Variants in SHROOM3 observed in about 807,000 individuals in gnomAD.
SHROOM3 encodes the protein shroom family member 3.
In SHROOM3, 47 loss-of-function variants were observed where a neutral mutation model predicts 138.6. The observed-to-expected ratio is 0.34, with a 90% CI of 0.27 to 0.43. The LOEUF (loss-of-function observed/expected upper bound fraction) is 0.43, where lower values mean the gene tolerates loss of function less well. Ranked by LOEUF, SHROOM3 falls within the 20% of genes least tolerant of loss-of-function variation. The pLI, the probability that SHROOM3 is intolerant of heterozygous loss-of-function variation, is 1.00. For missense variants in SHROOM3, 2,491 were observed against 2,596.5 expected (o/e 0.96, Z 0.88); for synonymous variants, 1,062 against 1,063.3 (o/e 1.00, Z 0.02).
At chr4:76,565,128 T>C in intron 2 of SHROOM3, among the ~76,000 whole-genome samples, 1 of 127,506 alleles carries the variant, frequency 7.8e-6, no homozygotes, top group Admixed American at 9.5e-5. Flanking sequence ...ACCATTGCAC[T>C]CCAGCCTGGG....
At chr4:76,509,258 CT>C (rs112167369) in intron 1 of SHROOM3, 45,025 of 151,872 alleles carry the variant, frequency 0.3, 7,520 homozygotes, top group African/African-American at 0.44. Context: ...ATATCCCCCC[CT>C]CCGAATCCAG....
chr4:76,720,964 C>CT (rs2110123280), intron 3 of SHROOM3, among the ~76,000 whole-genome samples: 1 of 151,894 alleles, frequency 6.6e-6, no homozygotes, highest in Admixed American at 6.5e-5. Flanking sequence ...AGTTTATTTC[C>CT]TTTTTAAAAT....
At chr4:76,586,144 C>T in intron 2 of SHROOM3, 1 of 622,716 alleles carries the variant, frequency 1.6e-6, no homozygotes, top group Non-Finnish European at 2.0e-6. Flanking sequence ...CCCCTTACAT[C>T]AGCGGGCCAG....
At chr4:76,674,432 G>C (rs1357757765) in intron 2 of SHROOM3, among the ~76,000 whole-genome samples, 1 of 151,854 alleles carries the variant, frequency 6.6e-6, no homozygotes. Flanking sequence ...CATAACGTGA[G>C]GATTGAGGCT....
intron 2 of SHROOM3, among the ~76,000 whole-genome samples, chr4:76,594,382 A>C (rs1162683571): frequency 6.6e-5 from 10 of 152,168 alleles, no homozygotes; most frequent in African/African-American, 2.2e-4. Context: ...ATACTCAAAT[A>C]TTTGTTGACT....
rs201068961 is a variant in SHROOM3, at chr4:76,711,787, T to TA, written c.455+1504dup. Among the ~76,000 whole-genome samples, 1,306 of 150,484 alleles carry TA rather than the reference T, an allele frequency of 8.7e-3. 62 individuals are homozygous for TA. Among genetic ancestry groups the TA allele is most frequent in the Admixed American group, 0.069 (1,048 of 15,118 alleles). On this transcript the variant is annotated intron_variant, in intron 3 of 10. Transcript: ENST00000296043. Reference sequence around the variant, plus strand: ...ACATAAAAGAAATAATGTTATATAATAAAACAACACTTGTATTGGGGTGTT... The same window carrying TA: ...ACATAAAAGAAATAATGTTATATAATAAAAACAACACTTGTATTGGGGTGTT...
chr4:76,529,701 AC>A (rs993952259), intron 1 of SHROOM3, among the ~76,000 whole-genome samples: 1 of 149,948 alleles, frequency 6.7e-6, no homozygotes, highest in African/African-American at 2.5e-5. Flanking sequence ...GGTTTCTATT[AC>A]CCCTACGTAC....
At chr4:76,676,412 G>A (rs1719027807) in intron 2 of SHROOM3, among the ~76,000 whole-genome samples, 1 of 152,076 alleles carries the variant, frequency 6.6e-6, no homozygotes, top group African/African-American at 2.4e-5. Context: ...TCATCTAGGA[G>A]GAAGATTTTT....
At chr4:76,460,950 AC>A (rs1286833067) in intron 1 of SHROOM3, among the ~76,000 whole-genome samples, 1 of 151,350 alleles carries the variant, frequency 6.6e-6, no homozygotes, top group Non-Finnish European at 1.5e-5. Flanking sequence ...CCATAATCAC[AC>A]CACCACTGCA....
chr4:76,545,254 C>G (rs1247176230), intron 1 of SHROOM3, among the ~76,000 whole-genome samples: 1 of 152,186 alleles, frequency 6.6e-6, no homozygotes, highest in East Asian at 1.9e-4. Context: ...TAGATGGGGT[C>G]TGTGAACTTT....
intron 2 of SHROOM3, among the ~76,000 whole-genome samples, chr4:76,563,399 G>T (rs1186378393): frequency 6.6e-6 from 1 of 152,150 alleles, no homozygotes; most frequent in Non-Finnish European, 1.5e-5. Flanking sequence ...TGTAAAAAAG[G>T]CCATATTCTC....
At chr4:76,685,424 G>A (rs1396168879) in intron 2 of SHROOM3, among the ~76,000 whole-genome samples, 1 of 152,144 alleles carries the variant, frequency 6.6e-6, no homozygotes, top group Non-Finnish European at 1.5e-5. Flanking sequence ...GAAAGTTCAT[G>A]AATTTGTGCT....
At chr4:76,729,549 A>G (rs924772682) in intron 3 of SHROOM3, among the ~76,000 whole-genome samples, 2 of 152,182 alleles carry the variant, frequency 1.3e-5, no homozygotes, top group Non-Finnish European at 2.9e-5. Context: ...CTATTTTGGG[A>G]AGCTCTTCAG....
intron 2 of SHROOM3, among the ~76,000 whole-genome samples, chr4:76,611,826 T>C (rs1339354377): frequency 6.6e-6 from 1 of 152,218 alleles, no homozygotes; most frequent in Non-Finnish European, 1.5e-5. Flanking sequence ...TGGCTCCAGC[T>C]TCTGGAGTTT....
intron 3 of SHROOM3, among the ~76,000 whole-genome samples, chr4:76,729,202 T>G (rs1163141356): frequency 6.6e-6 from 1 of 152,226 alleles, no homozygotes; most frequent in East Asian, 1.9e-4. Context: ...ACCTGAGATC[T>G]AAAAGCTAAA....
chr4:76,475,837 T>C (rs1375482208), intron 1 of SHROOM3, among the ~76,000 whole-genome samples: 1 of 152,234 alleles, frequency 6.6e-6, no homozygotes, highest in Non-Finnish European at 1.5e-5. Flanking sequence ...ACAGATTCAT[T>C]GTTTACAATA....
intron 2 of SHROOM3, among the ~76,000 whole-genome samples, chr4:76,681,802 T>C (rs1228069252): frequency 1.3e-5 from 2 of 152,116 alleles, no homozygotes; most frequent in Non-Finnish European, 2.9e-5. Flanking sequence ...TGAACCACTT[T>C]GGACTGGAAA....
intron 2 of SHROOM3, among the ~76,000 whole-genome samples, chr4:76,616,463 T>TAC (rs537455570): frequency 8.4e-4 from 128 of 151,722 alleles, no homozygotes; most frequent in African/African-American, 2.7e-3. Flanking sequence ...TTCATATGCA[T>TAC]ACACACACAC....
chr4:76,473,403 T>C (rs1227699486), intron 1 of SHROOM3, among the ~76,000 whole-genome samples: 2 of 151,322 alleles, frequency 1.3e-5, no homozygotes. Context: ...AGGCCAGGAG[T>C]TTGAGACCAG....
Sources: gnomAD v4.1 joint callset for allele counts (sites outside exome capture counted in the v4.1 genomes callset) on GRCh38, gnomAD v4.1.1 for gene constraint, MANE v1.5 for transcripts, NCBI Gene and HGNC (gene_info 2026-07-23, HGNC 2026-07-21) for gene names.